Variants in TBC1D5 observed in about 807,000 individuals in gnomAD.
TBC1D5 encodes the protein TBC1 domain family, member 5.
In TBC1D5, 75 loss-of-function variants were observed where a neutral mutation model predicts 100.3. The observed-to-expected ratio is 0.75, with a 90% confidence interval of 0.62 to 0.91. The LOEUF (loss-of-function observed/expected upper bound fraction) is 0.91, where lower values mean the gene tolerates loss of function less well. Among genes scored for constraint, TBC1D5 ranks in the 40% least tolerant of loss-of-function variants. The pLI is 0.00. For synonymous variants in TBC1D5, 323 were observed against 325.6 expected (o/e 0.99, Z 0.09); for missense variants, 910 against 942.4 (o/e 0.97, Z 0.45).
At chr3:17,591,993 T>C (rs965519864) in intron 2 of TBC1D5, among the ~76,000 whole-genome samples, 6 of 152,256 alleles carry the variant, frequency 3.9e-5, no homozygotes, top group African/African-American at 1.4e-4. Context: ...AACCAAGTAG[T>C]GGCTCCAAAT....
At chr3:17,248,094 C>A (rs1458859919) in intron 16 of TBC1D5, among the ~76,000 whole-genome samples, 1 of 151,746 alleles carries the variant, frequency 6.6e-6, no homozygotes, top group African/African-American at 2.4e-5. Context: ...CGGGTTCAAG[C>A]GATTCTCCTG....
chr3:17,199,023 C>G (rs1156330934), intron 18 of TBC1D5, among the ~76,000 whole-genome samples: 1 of 152,176 alleles, frequency 6.6e-6, no homozygotes, highest in African/African-American at 2.4e-5. Context: ...TGAAAGCATA[C>G]TAAATAAAGA....
chr3:17,366,532 G>A (rs1183338582), intron 13 of TBC1D5, among the ~76,000 whole-genome samples: 1 of 152,062 alleles, frequency 6.6e-6, no homozygotes, highest in Non-Finnish European at 1.5e-5. Context: ...GTGTATGAAA[G>A]CAAGCTATCA....
At chr3:17,618,681 G>C (rs1330330383) in intron 2 of TBC1D5, among the ~76,000 whole-genome samples, 1 of 152,232 alleles carries the variant, frequency 6.6e-6, no homozygotes, top group Non-Finnish European at 1.5e-5. Context: ...AGTGAGCAAA[G>C]CTCCATGGGC....
chr3:17,247,286 A>G (rs1241461240), intron 16 of TBC1D5, among the ~76,000 whole-genome samples: 1 of 152,244 alleles, frequency 6.6e-6, no homozygotes, highest in Non-Finnish European at 1.5e-5. Context: ...AGTTATTATT[A>G]TGAGTTCTGT....
At chr3:17,710,579 TAAA>T (rs1464590857) in intron 1 of TBC1D5, among the ~76,000 whole-genome samples, 4 of 151,546 alleles carry the variant, frequency 2.6e-5, no homozygotes. Flanking sequence ...AATAAATAAA[TAAA>T]TAAATAAATA....
intron 13 of TBC1D5, among the ~76,000 whole-genome samples, chr3:17,365,102 A>G (rs1056727613): frequency 6.6e-6 from 1 of 152,218 alleles, no homozygotes; most frequent in Non-Finnish European, 1.5e-5. Flanking sequence ...ATAATGATTT[A>G]AATTATTTTC....
chr3:17,618,605 A>G (rs1033767541), intron 2 of TBC1D5, among the ~76,000 whole-genome samples: 6 of 152,206 alleles, frequency 3.9e-5, no homozygotes, highest in Non-Finnish European at 5.9e-5. Flanking sequence ...AGCCTCAGCA[A>G]TGGGGGACGC....
At chr3:17,222,088 G>A (rs1014860029) in intron 17 of TBC1D5, among the ~76,000 whole-genome samples, 5 of 152,114 alleles carry the variant, frequency 3.3e-5, no homozygotes, top group Non-Finnish European at 7.4e-5. Context: ...TTTCACTCAT[G>A]TAATCTGTTT....
chr3:17,160,758 G>A, exon 22 of TBC1D5: 1 of 637,146 alleles, frequency 1.6e-6, no homozygotes, highest in Non-Finnish European at 2.6e-6. Flanking sequence ...AGAAAGCCCT[G>A]TCTGCATGTG....
At chr3:17,424,696 C>T (rs1186190312) in intron 4 of TBC1D5, among the ~76,000 whole-genome samples, 1 of 151,910 alleles carries the variant, frequency 6.6e-6, no homozygotes, top group Admixed American at 6.6e-5. Flanking sequence ...ATACTGGTGC[C>T]TTAGGAGTTA....
chr3:17,297,881 C>G (rs1006684586), intron 14 of TBC1D5, among the ~76,000 whole-genome samples: 6 of 152,106 alleles, frequency 3.9e-5, no homozygotes, highest in South Asian at 2.1e-4. Context: ...TGATGAGCCA[C>G]TACACCTCGC....
At chr3:17,419,119 C>A (rs1415024680) in intron 4 of TBC1D5, among the ~76,000 whole-genome samples, 1 of 152,162 alleles carries the variant, frequency 6.6e-6, no homozygotes, top group Non-Finnish European at 1.5e-5. Flanking sequence ...AGAAATATTA[C>A]AAAGACTCTC....
chr3:17,394,019 T>C (rs975725260), intron 8 of TBC1D5, among the ~76,000 whole-genome samples: 1 of 151,956 alleles, frequency 6.6e-6, no homozygotes, highest in Non-Finnish European at 1.5e-5. Flanking sequence ...AAAGAAACTA[T>C]CATCAGAGTG....
chr3:17,274,133 T>C (rs1159038096), intron 15 of TBC1D5, among the ~76,000 whole-genome samples: 3 of 151,628 alleles, frequency 2.0e-5, no homozygotes, highest in Non-Finnish European at 1.5e-5. Flanking sequence ...TGGTAAAAAA[T>C]AATACGAACT....
chr3:17,227,259 T>C (rs886087349), intron 17 of TBC1D5, among the ~76,000 whole-genome samples: 2 of 152,108 alleles, frequency 1.3e-5, no homozygotes, highest in African/African-American at 4.8e-5. Context: ...TCCTCTCTAG[T>C]GGAGAACACA....
intron 1 of TBC1D5, among the ~76,000 whole-genome samples, chr3:17,718,425 G>A (rs1216417088): frequency 2.0e-5 from 3 of 151,964 alleles, no homozygotes; most frequent in Non-Finnish European, 2.9e-5. Flanking sequence ...GTGAAACCCC[G>A]TCTCTACCAA....
chr3:17,610,640 T>C (rs982374576), intron 2 of TBC1D5, among the ~76,000 whole-genome samples: 2 of 152,348 alleles, frequency 1.3e-5, no homozygotes, highest in South Asian at 2.1e-4. Context: ...TATGTCTCTA[T>C]GTAAAGATGG....
chr3:17,317,895 A>C (rs2084895315), intron 13 of TBC1D5, among the ~76,000 whole-genome samples: 1 of 152,108 alleles, frequency 6.6e-6, no homozygotes. Context: ...CCAAAGGATT[A>C]TAAATCATGC....
Sources: allele counts gnomAD v4.1 joint callset (sites outside exome capture counted in the v4.1 genomes callset), GRCh38; gene constraint gnomAD v4.1.1; transcripts MANE v1.5; gene names NCBI Gene and HGNC (gene_info 2026-07-23, HGNC 2026-07-21).